The following CDK7 variants were observed in gnomAD, a reference collection of about 807,000 sequenced individuals.
CDK7 encodes cyclin-dependent kinase 7.
Under a neutral mutation model 49.1 loss-of-function variants are expected in CDK7, and 25 were observed. The observed-to-expected ratio is 0.51, with a 90% CI of 0.37 to 0.71. The LOEUF is 0.71. CDK7 is among the 30% of genes least tolerant of loss of function. The pLI is 0.00. For synonymous variants in CDK7, 107 were observed against 140.0 expected, an observed-to-expected ratio of 0.76 and a Z score of 1.67; for missense variants, 316 against 411.7, an observed-to-expected ratio of 0.77 and a Z score of 2.01.
At chr5:69,269,406 A>G in intron 9 of CDK7, 113 bp downstream of exon 9, 2 of 662,376 alleles carry the variant, frequency 3.0e-6, no homozygotes, top group Non-Finnish European at 5.1e-6. Context: ...TCATTATAAT[A>G]TGTACTCAGA....
intron 2 of CDK7, 68 bp from the exon 3 acceptor site, chr5:69,252,350 A>G: frequency 1.1e-6 from 1 of 940,684 alleles, no homozygotes; most frequent in Non-Finnish European, 1.7e-6. Context: ...GTATTTACAC[A>G]TTATTCATTG....
At chr5:69,245,302 T>TCCCCTGCCCCC (rs1554062733) in intron 2 of CDK7, among the ~76,000 whole-genome samples, 1 of 30,212 alleles carries the variant, frequency 3.3e-5, no homozygotes, top group Admixed American at 3.4e-4. Flanking sequence ...CCCTTCCCCC[T>TCCCCTGCCCCC]CCCCTTCCCC....
intron 9 of CDK7, among the ~76,000 whole-genome samples, chr5:69,270,814 T>C (rs1319059305): frequency 6.6e-6 from 1 of 152,222 alleles, no homozygotes. Context: ...TTCTCTCTTT[T>C]GTTAACTGCT....
At chr5:69,252,076 A>G (rs569529191) in intron 2 of CDK7, among the ~76,000 whole-genome samples, 2 of 152,316 alleles carry the variant, frequency 1.3e-5, no homozygotes, top group East Asian at 3.9e-4. Flanking sequence ...CCTCCCAAGT[A>G]GCCTAATTTG....
intron 2 of CDK7, among the ~76,000 whole-genome samples, chr5:69,240,704 T>G (rs547531976): frequency 1.3e-5 from 2 of 152,354 alleles, no homozygotes; most frequent in South Asian, 4.1e-4. Context: ...CTCGGCTCAC[T>G]GCAACCCCCG....
intron 2 of CDK7, among the ~76,000 whole-genome samples, chr5:69,247,644 T>G (rs1047361610): frequency 6.6e-6 from 1 of 152,118 alleles, no homozygotes; most frequent in Non-Finnish European, 1.5e-5. Context: ...TGTTTTGTGG[T>G]CTTTCCTTCC....
At chr5:69,237,769 G>C (rs1363018611) in intron 2 of CDK7, among the ~76,000 whole-genome samples, 1 of 152,096 alleles carries the variant, frequency 6.6e-6, no homozygotes, top group Non-Finnish European at 1.5e-5. Flanking sequence ...TGGTCAACAT[G>C]GCGAAACCCC....
rs1054268723 is a variant in CDK7 at position 69,248,233 on chromosome 5, T to C, written c.127-4185T>C. On this transcript the variant is annotated intron_variant, in intron 2 of 11. Transcript: ENST00000256443. ...ATATACTATTCTAGGTTAAAAGTTA[T>C]TTTCCTTCAGCACTTTATATCATGC... is the stretch of plus-strand genomic sequence containing the variant. Among the ~76,000 whole-genome samples the C allele has an allele frequency of 1.7e-4, 26 of 152,226 alleles. 2 individuals are homozygous for C. The highest frequency in any genetic ancestry group is 2.9e-5 in the Non-Finnish European group (2 of 68,044).
chr5:69,247,240 T>G (rs953455849), intron 2 of CDK7, among the ~76,000 whole-genome samples: 4 of 152,220 alleles, frequency 2.6e-5, no homozygotes, highest in African/African-American at 9.6e-5. Flanking sequence ...TCTTTAGTGC[T>G]AAAAATATTT....
At chr5:69,242,649 G>T (rs1320003519) in intron 2 of CDK7, among the ~76,000 whole-genome samples, 1 of 152,128 alleles carries the variant, frequency 6.6e-6, no homozygotes, top group Non-Finnish European at 1.5e-5. Flanking sequence ...TTTTGGGAAA[G>T]GACTGTTAAT....
In CDK7 at chr5:69,264,005, T is replaced by C. The variant is rs558344028; in HGVS notation, c.627+1701T>C. ...CTTTTGTCCTATTTTAAGCTGTTCTTGTGCTCAATTGAAAAGGTAGAAATG... is the reference window on the plus strand; with the variant it reads ...CTTTTGTCCTATTTTAAGCTGTTCTCGTGCTCAATTGAAAAGGTAGAAATG... On this transcript the variant is annotated intron_variant, in intron 8 of 11. Transcript: ENST00000256443. Among the ~76,000 whole-genome samples, 29 of 152,362 alleles carry C rather than the reference T, an allele frequency of 1.9e-4. No individual in the cohort carries two copies. In the East Asian group the frequency reaches 4.8e-3, roughly 25 times the overall value.
At chr5:69,251,626 G>C (rs1317029588) in intron 2 of CDK7, among the ~76,000 whole-genome samples, 1 of 152,046 alleles carries the variant, frequency 6.6e-6, no homozygotes, top group Non-Finnish European at 1.5e-5. Context: ...TGTAGCCTGG[G>C]CTCAAGCAAT....
chr5:69,267,223 A>G (rs1751214383), intron 8 of CDK7, among the ~76,000 whole-genome samples: 1 of 142,632 alleles, frequency 7.0e-6, no homozygotes, highest in Admixed American at 7.1e-5. Context: ...CACACTAGAT[A>G]TTTTTGCCAC....
chr5:69,269,404 A>G, intron 9 of CDK7, 111 bp downstream of exon 9: 1 of 672,436 alleles, frequency 1.5e-6, no homozygotes, highest in South Asian at 2.2e-5. Context: ...ATTCATTATA[A>G]TATGTACTCA....
intron 8 of CDK7, among the ~76,000 whole-genome samples, chr5:69,264,754 C>T (rs929496773): frequency 1.3e-5 from 2 of 149,844 alleles, no homozygotes; most frequent in South Asian, 2.1e-4. Context: ...GTGGATCACC[C>T]AAGGTTGGGA....
At chr5:69,245,537 C>T (rs1460225719) in intron 2 of CDK7, among the ~76,000 whole-genome samples, 2 of 151,778 alleles carry the variant, frequency 1.3e-5, no homozygotes, top group Non-Finnish European at 2.9e-5. Context: ...GATGGGGTTT[C>T]ACTATATTGC....
At chr5:69,235,568 A>G in intron 2 of CDK7, 115 bp downstream of exon 2, 1 of 736,296 alleles carries the variant, frequency 1.4e-6, no homozygotes, top group Non-Finnish European at 2.4e-6. Context: ...TACTCATGTC[A>G]TTTTCAGAGA....
At chr5:69,266,208 T>G (rs1751149332) in intron 8 of CDK7, among the ~76,000 whole-genome samples, 1 of 152,156 alleles carries the variant, frequency 6.6e-6, no homozygotes, top group African/African-American at 2.4e-5. Context: ...GCTGGGGAGC[T>G]GAGCTGAGCT....
At chr5:69,266,535 C>T (rs546898309) in intron 8 of CDK7, among the ~76,000 whole-genome samples, 5 of 152,110 alleles carry the variant, frequency 3.3e-5, no homozygotes, top group East Asian at 3.9e-4. Flanking sequence ...AGTAAACCAA[C>T]GGGAAGACAT....
Sources: allele counts gnomAD v4.1 joint callset (sites outside exome capture counted in the v4.1 genomes callset), GRCh38; gene constraint gnomAD v4.1.1; transcripts MANE v1.5; gene names NCBI Gene and HGNC (gene_info 2026-07-23, HGNC 2026-07-21).